PNMA5: variants seen among roughly 807,000 people sequenced by gnomAD.
The protein encoded by PNMA5 is paraneoplastic antigen-like protein 5.
For missense variants in PNMA5, 334 were observed against 356.6 expected (o/e 0.94, Z 0.51); for synonymous variants, 138 against 137.9 (o/e 1.00, Z 0.00).
Position 152,994,082 on chromosome X carries a change from A to C in PNMA5, c.-379T>G, listed in dbSNP as rs190258454. 1.8e-5 allele frequency: 2 copies of C among 113,195 alleles called. No individual in the cohort carries two copies. The highest frequency in any genetic ancestry group is 1.8e-4 in the Admixed American group (2 of 10,844). The allele number at this position is 113,195 out of a possible 1,213,427, so 9.3% of individuals were successfully genotyped here. On this transcript the variant is annotated 5_prime_UTR_variant, in exon 1 of 4. Transcript: ENST00000535214. ...AGTTCCCGCGCAGCGCGACCACCAC[A>C]CGTCTATGGCGGCTGCCGCCTCCGT...
rs367619281 is a variant in PNMA5 at position 152,990,314 on chromosome X, C to T, written c.1285G>A (p.Glu429Lys). ...PGREGPQAAG[E>K]ELGNEAGAGA... ...GCCCCTGCCTCGTTTCCCAACTCCT[C>T]TCCTGCAGCCTGTGGCCCCTCCCTG... is the stretch of plus-strand genomic sequence containing the variant. Residue 429 changes from glutamate (E) to lysine (K), a missense_variant, in exon 4 of 4, where the codon GAG becomes AAG. Physicochemically the swap from Glu to Lys is moderately conservative, Grantham distance 56. Transcript: ENST00000535214. 23 of 1,144,548 alleles carry T rather than the reference C, an allele frequency of 2.0e-5. No individual in the cohort carries two copies. The highest frequency in any genetic ancestry group is 2.6e-5 in the Non-Finnish European group (23 of 869,066). 94.3% of individuals were successfully genotyped at this position (1,144,548 alleles called of 1,213,427 possible).
At chrX:152,991,760 C>T (rs1449388931) in intron 3 of PNMA5, 39 bp from the exon 4 acceptor site, 3 of 705,479 alleles carry the variant, frequency 4.3e-6, no homozygotes, top group Non-Finnish European at 5.8e-6. Flanking sequence ...TTAATGCCCA[C>T]CCCAACCTAC....
Position 152,991,320 on chromosome X carries a change from T to A in PNMA5, c.279A>T (p.Val93=). The A allele has an allele frequency of 8.3e-7, 1 of 1,210,422 alleles. No individual in the cohort carries two copies. The highest frequency in any genetic ancestry group is 1.1e-6 in the Non-Finnish European group (1 of 894,912). The change falls in exon 4 of 4, where the codon GTA becomes GTT. Residue 93 remains valine (V), a synonymous_variant. Coordinates refer to ENST00000535214, the MANE Select transcript of PNMA5 (RefSeq NM_001184924.2). ...ACTCATCATCTGGGTTACGGGGTTT[T>A]ACCACCACTTCCCAGGAGCCACCCT... ...PGKGGSWEVV[V]KPRNPDDEFL...
intron 1 of PNMA5, among the ~76,000 whole-genome samples, chrX:152,993,715 T>C (rs2050926961): frequency 8.9e-6 from 1 of 112,456 alleles, no homozygotes; most frequent in African/African-American, 3.2e-5. Context: ...CGGCTACTTT[T>C]TGTATTTTTA....
At position 152,991,375 on chromosome X, in the gene PNMA5, T is replaced by C; in HGVS notation, c.224A>G (p.Tyr75Cys). Residue 75 changes from tyrosine to cysteine, a missense_variant, in exon 4 of 4, where the codon TAC becomes TGC. Transcript: ENST00000535214. ...TGGTATGTGACTGGGCAGAGTAGTGTAATTGACAGTGTCAGCCAGTTCAAT... is the reference window on the plus strand; with the variant it reads ...TGGTATGTGACTGGGCAGAGTAGTGCAATTGACAGTGTCAGCCAGTTCAAT... ...VFIELADTVN[Y>C]TTLPSHIPGK... 1.7e-6 allele frequency: 2 copies of C among 1,200,798 alleles called. No individual in the cohort carries two copies. The highest frequency in any genetic ancestry group is 3.7e-5 in the South Asian group (2 of 54,025).
chrX:152,990,325 T>G lies in PNMA5; in HGVS notation c.1274A>C (p.Gln425Pro). 1 of 1,155,591 alleles carries G rather than the reference T, an allele frequency of 8.7e-7. No individual in the cohort carries two copies. The highest frequency in any genetic ancestry group is 3.0e-5 in the East Asian group (1 of 32,840). The change falls in exon 4 of 4, where the codon CAG becomes CCG. Residue 425 changes from glutamine to proline, a missense_variant. Physicochemically the swap from Gln to Pro is moderately conservative, Grantham distance 76. Coordinates refer to ENST00000535214, the MANE Select transcript of PNMA5 (RefSeq NM_001184924.2). ...GTTTCCCAACTCCTCTCCTGCAGCC[T>G]GTGGCCCCTCCCTGCCTGGAGTCTG... is the stretch of plus-strand genomic sequence containing the variant. The part of the protein sequence containing the change: ...ENQTPGREGP[Q>P]AAGEELGNEA...
rs782754553 is a variant in PNMA5 at position 152,990,690 on chromosome X, CCT to C, written c.907_908del (p.Arg303GlyfsTer25). 2 of 1,191,817 alleles carry C rather than the reference CCT, an allele frequency of 1.7e-6. No homozygotes were observed. The highest frequency in any genetic ancestry group is 3.5e-5 in the African/African-American group (2 of 56,386). ...GCTGATCCAAGAGCTCCAGCTTGCC[CCT>C]GAGGGCGGGGGTCATGGCGACCCGA... Reference protein sequence around the residue: ...LARVAMTPALRGKLELLDQRG... With the variant: ...LARVAMTPALXGKLELLDQRG... On this transcript the variant is annotated frameshift_variant, in exon 4 of 4. Transcript: ENST00000535214. LOFTEE classifies it low-confidence loss of function (END_TRUNC).
intron 3 of PNMA5, 84 bp from the exon 4 acceptor site, chrX:152,991,805 A>C: frequency 2.3e-6 from 1 of 430,625 alleles, no homozygotes; most frequent in African/African-American, 2.5e-5. Flanking sequence ...CCCACCCCCA[A>C]GCAGGGATGG....
chrX:152,993,828 A>G (rs1556925056), intron 1 of PNMA5, among the ~76,000 whole-genome samples: 1 of 112,596 alleles, frequency 8.9e-6, no homozygotes, highest in Non-Finnish European at 1.9e-5. Flanking sequence ...TACAGGTGTG[A>G]GCCACCGCGC....
In PNMA5 at chrX:152,990,661, C is replaced by T. The variant is rs2050894457; in HGVS notation, c.938G>A (p.Gly313Glu). Reference sequence around the variant, plus strand: ...TAACTCCAGAAAATTGGGAGGACACCCTCGCTGATCCAAGAGCTCCAGCTT... The same window carrying T: ...TAACTCCAGAAAATTGGGAGGACACTCTCGCTGATCCAAGAGCTCCAGCTT... ...RGKLELLDQR[G>E]CPPNFLELMK... Residue 313 changes from glycine to glutamate, a missense_variant, in exon 4 of 4, where the codon GGG (glycine) becomes GAG (glutamate). Coordinates refer to ENST00000535214, the MANE Select transcript of PNMA5 (RefSeq NM_001184924.2). 8.5e-7 allele frequency: 1 copy of T among 1,178,895 alleles called. No homozygotes were observed. The highest frequency in any genetic ancestry group is 1.8e-5 in the African/African-American group (1 of 56,212).
Position 152,989,958 on chromosome X carries a change from C to T in PNMA5, c.*294G>A, listed in dbSNP as rs949371829. On this transcript the variant is annotated 3_prime_UTR_variant, in exon 4 of 4. Transcript: ENST00000535214. ...GCCACACCTTCTTCAGCCCCTGCTT[C>T]GCTGGGGTCCCCATCTGAAGCCCAG... 4.5e-5 allele frequency: 12 copies of T among 268,311 alleles called. No homozygotes were observed. Among genetic ancestry groups the T allele is most frequent in the African/African-American group, 8.3e-5 (3 of 36,102 alleles). The allele number at this position is 268,311 out of a possible 1,213,427, so 22.1% of individuals were successfully genotyped here. A position where few individuals can be genotyped will look rare whatever the true frequency, so the allele number is the denominator to read the frequency against.
Position 152,989,829 on chromosome X carries a change from G to A in PNMA5, c.*423C>T. On this transcript the variant is annotated 3_prime_UTR_variant, in exon 4 of 4. Transcript: ENST00000535214. ...TCTGGCAGAGGCAGGCCCCAGGCAG[G>A]CTCCTCCAGGTCCCACGTGGCCTGG... is the stretch of plus-strand genomic sequence containing the variant. 7.7e-6 allele frequency: 1 copy of A among 129,279 alleles called. No individual in the cohort carries two copies. 10.7% of individuals were successfully genotyped at this position (129,279 alleles called of 1,213,427 possible).
At position 152,990,300 on chromosome X, in the gene PNMA5, G is replaced by A. The variant is rs953745389; in HGVS notation, c.1299C>T (p.Asn433=). 8.8e-7 allele frequency: 1 copy of A among 1,132,645 alleles called. No individual in the cohort carries two copies. Among genetic ancestry groups the A allele is most frequent in the Non-Finnish European group, 1.2e-6 (1 of 862,316 alleles). 93.3% of individuals were successfully genotyped at this position (1,132,645 alleles called of 1,213,427 possible). A position where few individuals can be genotyped will look rare whatever the true frequency, so the allele number is the denominator to read the frequency against. Residue 433 remains asparagine, a synonymous_variant, in exon 4 of 4, where the codon AAC becomes AAT. Coordinates refer to ENST00000535214, the MANE Select transcript of PNMA5 (RefSeq NM_001184924.2). ...GGCTCATGGCCCCAGCCCCTGCCTC[G>A]TTTCCCAACTCCTCTCCTGCAGCCT... is the stretch of plus-strand genomic sequence containing the variant. The part of the protein sequence containing the change: ...GPQAAGEELG[N]EAGAGAMSHP...
chrX:152,993,809 T>A (rs1373755379), intron 1 of PNMA5, among the ~76,000 whole-genome samples: 4 of 112,598 alleles, frequency 3.6e-5, no homozygotes, highest in Non-Finnish European at 7.5e-5. Flanking sequence ...CCTCCCAAAG[T>A]GCTGGGATTA....
At position 152,990,541 on chromosome X, in the gene PNMA5, C is replaced by A. The variant is rs187206876; in HGVS notation, c.1058G>T (p.Gly353Val). The A allele has an allele frequency of 1.1e-4, 130 of 1,201,978 alleles. No homozygotes were observed. In the East Asian group the frequency reaches 3.8e-3, roughly 35 times the overall value. ...KPSGRGRGASGRQARAEASVS... is the reference protein window; with the variant it reads ...KPSGRGRGASVRQARAEASVS... ...ACTGGCTTCTGCTCTTGCCTGTCTA[C>A]CGGAGGCCCCCCGGCCTCTCCCTGA... is the stretch of plus-strand genomic sequence containing the variant. The change falls in exon 4 of 4, where the codon GGT (glycine) becomes GTT (valine). Residue 353 changes from glycine (G) to valine (V), a missense_variant. Gly to Val is a moderately radical substitution (Grantham distance 109). Transcript: ENST00000535214.
chrX:152,990,172 T>C lies in PNMA5; in HGVS notation c.*80A>G. 1 of 1,043,147 alleles carries C rather than the reference T, an allele frequency of 9.6e-7. No individual in the cohort carries two copies. The highest frequency in any genetic ancestry group is 1.2e-6 in the Non-Finnish European group (1 of 810,514). 86.0% of individuals were successfully genotyped at this position (1,043,147 alleles called of 1,213,427 possible). ...GTCCCTCTGCCCCAGTCAAGTTCCC[T>C]GTTAGTGTAAGCTGCCCCTTCCCCT... On this transcript the variant is annotated 3_prime_UTR_variant, in exon 4 of 4. Transcript: ENST00000535214.
chrX:152,993,137 AC>A (rs2050921350), intron 1 of PNMA5, among the ~76,000 whole-genome samples: 1 of 109,052 alleles, frequency 9.2e-6, no homozygotes, highest in African/African-American at 3.4e-5. Flanking sequence ...CCACCTCAAA[AC>A]CTGCACCCCT....
At position 152,991,076 on chromosome X, in the gene PNMA5, A is replaced by G; in HGVS notation, c.523T>C (p.Phe175Leu). 8.3e-7 allele frequency: 1 copy of G among 1,203,092 alleles called. No individual in the cohort carries two copies. The highest frequency in any genetic ancestry group is 1.1e-6 in the Non-Finnish European group (1 of 892,198). ...GTGACCTGCTCTAGCCAGTCTTCAA[A>G]GGTCTCTTCGCCTGGGCTAGGGGAA... Reference protein sequence around the residue: ...TASPSPGEETFEDWLEQVTEI... With the variant: ...TASPSPGEETLEDWLEQVTEI... The change falls in exon 4 of 4, where the codon TTT (phenylalanine) becomes CTT (leucine). Residue 175 changes from phenylalanine to leucine, a missense_variant. Transcript: ENST00000535214.
In PNMA5 at chrX:152,990,814, A is replaced by C. The variant is rs1556924367; in HGVS notation, c.785T>G (p.Phe262Cys). The change falls in exon 4 of 4, where the codon TTC (phenylalanine) becomes TGC (cysteine). Residue 262 changes from phenylalanine to cysteine, a missense_variant. Transcript: ENST00000535214. ...CAGCAGGGGCTCTAAGCGCAGCAGG[A>C]AAGTGGAGACTTTCTCTCCAATCTT... The part of the protein sequence containing the change: ...SPKIGEKVST[F>C]LLRLEPLLQK... 2 of 1,199,207 alleles carry C rather than the reference A, an allele frequency of 1.7e-6. No homozygotes were observed. The highest frequency in any genetic ancestry group is 2.2e-6 in the Non-Finnish European group (2 of 890,598).
Sources: gnomAD v4.1 joint callset for allele counts (sites outside exome capture counted in the v4.1 genomes callset) on GRCh38, gnomAD v4.1.1 for gene constraint, MANE v1.5 for transcripts, NCBI Gene and HGNC (gene_info 2026-07-23, HGNC 2026-07-21) for gene names.